CLASP2: variants seen among roughly 807,000 people sequenced by gnomAD.
CLASP2 encodes the protein cytoplasmic linker associated protein 2, also known as CLIP-associating protein 2.
In CLASP2, 47 loss-of-function variants were observed where a neutral mutation model predicts 194.4. That is an observed-to-expected ratio of 0.24 (90% CI 0.19 to 0.31). The LOEUF (loss-of-function observed/expected upper bound fraction) is 0.31. Ranked by LOEUF, CLASP2 falls within the 10% of genes least tolerant of loss-of-function variation. CLASP2 has a pLI of 1.00. For missense variants in CLASP2, 1,445 were observed against 1,823.6 expected (o/e 0.79, Z 3.78); for synonymous variants, 619 against 633.5 (o/e 0.98, Z 0.34).
At chr3:33,558,689 C>T (rs1180441812) in intron 29 of CLASP2, 3 of 150,940 alleles carry the variant, frequency 2.0e-5, no homozygotes, top group African/African-American at 7.3e-5. Flanking sequence ...GTTATGCATA[C>T]ATCAGAAAAA....
intron 18 of CLASP2, chr3:33,602,663 C>A: frequency 1.4e-6 from 1 of 709,034 alleles, no homozygotes; most frequent in Admixed American, 2.0e-5. Flanking sequence ...CCCAAACCCC[C>A]TTAGAAACCA....
At chr3:33,595,190 TAAC>T (rs1377653465) in intron 19 of CLASP2, among the ~76,000 whole-genome samples, 4 of 152,032 alleles carry the variant, frequency 2.6e-5, no homozygotes, top group African/African-American at 7.2e-5. Context: ...CAAATAAAAA[TAAC>T]AAAATTCTAT....
At chr3:33,689,228 C>T (rs1330423636) in intron 3 of CLASP2, among the ~76,000 whole-genome samples, 1 of 151,610 alleles carries the variant, frequency 6.6e-6, no homozygotes, top group Non-Finnish European at 1.5e-5. Flanking sequence ...AATACTACCT[C>T]AGGAATGCTA....
intron 18 of CLASP2, among the ~76,000 whole-genome samples, chr3:33,601,052 G>A (rs977222262): frequency 2.1e-5 from 3 of 145,722 alleles, no homozygotes; most frequent in Non-Finnish European, 3.0e-5. Context: ...TCCGCCTCCC[G>A]GGTTCACGCC....
intron 19 of CLASP2, among the ~76,000 whole-genome samples, chr3:33,595,977 A>G (rs927460704): frequency 1.1e-4 from 16 of 152,108 alleles, no homozygotes; most frequent in Admixed American, 1.0e-3. Context: ...AGAAAAATAT[A>G]TAGTGTCTGT....
At chr3:33,619,134 C>T (rs922159666) in intron 12 of CLASP2, among the ~76,000 whole-genome samples, 4 of 151,968 alleles carry the variant, frequency 2.6e-5, no homozygotes, top group Non-Finnish European at 5.9e-5. Context: ...TATTGTGTAT[C>T]GGAACATATC....
intron 7 of CLASP2, among the ~76,000 whole-genome samples, chr3:33,660,703 A>G (rs2085164688): frequency 6.6e-6 from 1 of 152,208 alleles, no homozygotes; most frequent in African/African-American, 2.4e-5. Flanking sequence ...ACCCAAAACA[A>G]TTTATTTTGC....
intron 30 of CLASP2, 36 bp from the exon 31 acceptor site, chr3:33,544,877 TTTG>T (rs1240303575): frequency 6.6e-7 from 1 of 1,526,092 alleles, no homozygotes; most frequent in African/African-American, 1.4e-5. Flanking sequence ...TGAATATATT[TTTG>T]TTACTCAAAC....
intron 1 of CLASP2, among the ~76,000 whole-genome samples, chr3:33,709,592 G>C (rs2092902052): frequency 6.6e-6 from 1 of 152,062 alleles, no homozygotes; most frequent in South Asian, 2.1e-4. Context: ...GATGGAGAAA[G>C]ACACCAAGAA....
At chr3:33,501,871 T>C in intron 37 of CLASP2, 103 bp from the exon 38 acceptor site, 2 of 749,596 alleles carry the variant, frequency 2.7e-6, no homozygotes, top group Non-Finnish European at 4.6e-6. Flanking sequence ...ATCTCGAGCA[T>C]ACTAAGGAGA....
At chr3:33,696,797 G>A (rs2091960763) in intron 2 of CLASP2, 58 bp downstream of exon 2, 15 of 1,156,868 alleles carry the variant, frequency 1.3e-5, no homozygotes, top group Middle Eastern at 1.9e-4. Flanking sequence ...AAAAACTAAC[G>A]AAAAAAGTCA....
intron 34 of CLASP2, among the ~76,000 whole-genome samples, chr3:33,529,139 G>A (rs151087489): frequency 2.0e-5 from 3 of 152,226 alleles, no homozygotes; most frequent in African/African-American, 7.2e-5. Context: ...GCTCTACAAT[G>A]AGAATTACAA....
intron 27 of CLASP2, 97 bp downstream of exon 27, chr3:33,566,635 A>G (rs1361387204): frequency 1.0e-5 from 4 of 394,006 alleles, no homozygotes; most frequent in Admixed American, 6.9e-5. Flanking sequence ...AGGTTCCAAC[A>G]CTGCATGAAC....
intron 3 of CLASP2, among the ~76,000 whole-genome samples, chr3:33,688,762 A>G (rs2091007878): frequency 6.6e-6 from 1 of 152,126 alleles, no homozygotes; most frequent in East Asian, 1.9e-4. Context: ...CTAGCAACTA[A>G]TATAGACTCA....
At chr3:33,509,549 A>G (rs2049195490) in intron 37 of CLASP2, among the ~76,000 whole-genome samples, 1 of 152,342 alleles carries the variant, frequency 6.6e-6, no homozygotes, top group South Asian at 2.1e-4. Context: ...AGGCATAGAC[A>G]AAGATATCTA....
chr3:33,548,544 G>A lies in CLASP2; in HGVS notation c.3153+2708C>T, dbSNP rs60180477. ...GATCTCCTGACCTCATGATCCACCC[G>A]CCTGTTTCCCAAAGTGCTGGAATTA... On this transcript the variant is annotated intron_variant, in intron 30 of 38. Transcript: ENST00000682230. Among the ~76,000 whole-genome samples, 783 of 152,022 alleles carry A rather than the reference G, an allele frequency of 5.2e-3. 10 individuals carry two copies. The highest frequency in any genetic ancestry group is 0.018 in the African/African-American group (762 of 41,484).
intron 1 of CLASP2, among the ~76,000 whole-genome samples, chr3:33,700,869 A>C (rs1451970327): frequency 2.0e-5 from 3 of 152,058 alleles, no homozygotes; most frequent in South Asian, 2.1e-4. Flanking sequence ...AAAACAAAAC[A>C]AACTGTGTTC....
chr3:33,556,067 T>C (rs1029091413), intron 29 of CLASP2, among the ~76,000 whole-genome samples: 9 of 152,222 alleles, frequency 5.9e-5, no homozygotes, highest in Admixed American at 2.6e-4. Flanking sequence ...TCTTTAATTG[T>C]TTGTGAAACC....
At chr3:33,580,781 C>T (rs1247429939) in intron 23 of CLASP2, among the ~76,000 whole-genome samples, 8 of 151,736 alleles carry the variant, frequency 5.3e-5, no homozygotes, top group Admixed American at 2.6e-4. Context: ...TTTGGGGGGC[C>T]GAGGCGGGCG....
Sources: allele counts gnomAD v4.1 joint callset (sites outside exome capture counted in the v4.1 genomes callset), GRCh38; gene constraint gnomAD v4.1.1; transcripts MANE v1.5; gene names NCBI Gene and HGNC (gene_info 2026-07-23, HGNC 2026-07-21).